Variants in ABCD2 observed in about 807,000 individuals in gnomAD.
ABCD2 encodes ATP-binding cassette sub-family D member 2.
Under a neutral mutation model 70.9 loss-of-function variants are expected in ABCD2, and 36 were observed. That is an observed-to-expected ratio of 0.51 (90% CI 0.39 to 0.67). The LOEUF is 0.67. Ranked by LOEUF, ABCD2 falls within the 30% of genes least tolerant of loss-of-function variation. The pLI, the probability that ABCD2 is intolerant of heterozygous loss-of-function variation, is 0.00. For missense variants in ABCD2, 729 were observed against 890.2 expected (o/e 0.82, Z 2.30); for synonymous variants, 304 against 306.9 (o/e 0.99, Z 0.10).
At chr12:39,608,851 T>C (rs1349525945) in intron 2 of ABCD2, among the ~76,000 whole-genome samples, 2 of 152,186 alleles carry the variant, frequency 1.3e-5, no homozygotes, top group Non-Finnish European at 2.9e-5. Flanking sequence ...ATTCTCATAA[T>C]CTAGCCTCTG....
chr12:39,582,955 G>T (rs957142751), intron 7 of ABCD2, among the ~76,000 whole-genome samples: 1 of 151,790 alleles, frequency 6.6e-6, no homozygotes, highest in Admixed American at 6.6e-5. Flanking sequence ...GACTTTGCGG[G>T]CTCAGGTGAT....
chr12:39,602,816 A>G (rs1236940238), intron 5 of ABCD2, among the ~76,000 whole-genome samples: 1 of 152,166 alleles, frequency 6.6e-6, no homozygotes, highest in East Asian at 1.9e-4. Flanking sequence ...TTATTAAATA[A>G]ATAGAGCAAC....
At chr12:39,559,547 A>T (rs969358985) in intron 9 of ABCD2, among the ~76,000 whole-genome samples, 1 of 152,114 alleles carries the variant, frequency 6.6e-6, no homozygotes, top group African/African-American at 2.4e-5. Context: ...GTCTTCAATC[A>T]TACTCAATCC....
At chr12:39,586,359 C>T in intron 6 of ABCD2, 62 bp from the exon 7 acceptor site, 1 of 1,530,822 alleles carries the variant, frequency 6.5e-7, no homozygotes, top group Non-Finnish European at 8.8e-7. Context: ...CTCAGTGTGA[C>T]AACTTGGTAG....
At chr12:39,554,342 T>A (rs1941130595) in intron 9 of ABCD2, among the ~76,000 whole-genome samples, 1 of 152,138 alleles carries the variant, frequency 6.6e-6, no homozygotes, top group South Asian at 2.1e-4. Context: ...TATTATTATT[T>A]TTTTCATATT....
the ABCD2 span, among the ~76,000 whole-genome samples, chr12:39,535,175 TCCAA>T: frequency 5.7e-4 from 86 of 152,190 alleles, 1 homozygote; most frequent in African/African-American, 1.8e-3. Context: ...TCAAACAAGA[TCCAA>T]TCCACTCTCC....
intron 7 of ABCD2, among the ~76,000 whole-genome samples, chr12:39,582,095 T>G (rs954375873): frequency 7.2e-5 from 11 of 152,256 alleles, no homozygotes; most frequent in Non-Finnish European, 1.5e-4. Flanking sequence ...CAAATTTAAG[T>G]GTTTTCCTGC....
the ABCD2 span, among the ~76,000 whole-genome samples, chr12:39,531,842 C>T: frequency 6.6e-6 from 1 of 152,240 alleles, no homozygotes; most frequent in Non-Finnish European, 1.5e-5. Context: ...CCCAAACAAC[C>T]CATATATTCG....
chr12:39,540,867 C>T, the ABCD2 span, among the ~76,000 whole-genome samples: 1 of 152,256 alleles, frequency 6.6e-6, no homozygotes, highest in African/African-American at 2.4e-5. Flanking sequence ...ATTGATGGCT[C>T]ATGCTTCCCT....
the ABCD2 span, among the ~76,000 whole-genome samples, chr12:39,534,802 G>GA: frequency 3.8e-4 from 41 of 108,904 alleles, no homozygotes; most frequent in Middle Eastern, 5.3e-3. Context: ...AAGAAAGAAA[G>GA]AAAGAAAAGA....
At chr12:39,540,574 A>G in the ABCD2 span, among the ~76,000 whole-genome samples, 1 of 152,218 alleles carries the variant, frequency 6.6e-6, no homozygotes, top group Non-Finnish European at 1.5e-5. Context: ...CCAATTCTGA[A>G]GAGATTAACT....
chr12:39,550,535 C>T lies in ABCD2; in HGVS notation c.*3377G>A, dbSNP rs565112276. On this transcript the variant is annotated 3_prime_UTR_variant, in exon 10 of 10. Transcript: ENST00000308666. ...ATATGAAATGTAAACCAGCCCTGAA[C>T]TTGGTAGTCAGGAAAAGCATCAACA... The T allele has an allele frequency of 7.9e-5, 12 of 151,846 alleles. No individual in the cohort carries two copies. Among genetic ancestry groups the T allele is most frequent in the African/African-American group, 2.2e-4 (9 of 41,542 alleles). 9.4% of individuals were successfully genotyped at this position (151,846 alleles called of 1,614,324 possible).
intron 5 of ABCD2, among the ~76,000 whole-genome samples, chr12:39,601,486 G>C (rs1941896773): frequency 6.6e-6 from 1 of 151,758 alleles, no homozygotes; most frequent in Admixed American, 6.6e-5. Context: ...CATTTAAACT[G>C]TTTAATTTCA....
At chr12:39,618,541 A>T in intron 1 of ABCD2, 136 bp downstream of exon 1, 1 of 738,210 alleles carries the variant, frequency 1.4e-6, no homozygotes, top group South Asian at 1.9e-5. Flanking sequence ...ATATATTTTA[A>T]TTCAGGTTTA....
the ABCD2 span, among the ~76,000 whole-genome samples, chr12:39,531,599 G>T: frequency 6.6e-6 from 1 of 152,216 alleles, no homozygotes; most frequent in Non-Finnish European, 1.5e-5. Context: ...GGACTTCACG[G>T]ATCAGTAAAA....
chr12:39,611,542 A>G (rs1386462683), intron 2 of ABCD2, among the ~76,000 whole-genome samples: 1 of 152,162 alleles, frequency 6.6e-6, no homozygotes, highest in Non-Finnish European at 1.5e-5. Context: ...TCCACCATAT[A>G]TAAACATCCA....
At chr12:39,601,388 A>T (rs1472757280) in intron 5 of ABCD2, among the ~76,000 whole-genome samples, 1 of 150,674 alleles carries the variant, frequency 6.6e-6, no homozygotes, top group Non-Finnish European at 1.5e-5. Flanking sequence ...ATATGTGAAT[A>T]ATATATATAT....
At chr12:39,595,619 T>C (rs1252989876) in intron 6 of ABCD2, among the ~76,000 whole-genome samples, 7 of 152,214 alleles carry the variant, frequency 4.6e-5, no homozygotes, top group Admixed American at 1.3e-4. Flanking sequence ...AGTATTTATA[T>C]TTAATCTAGG....
Position 39,619,370 on chromosome 12 carries a change from T to C in ABCD2, c.246A>G (p.Ala82=), listed in dbSNP as rs1294154674. ...GTTCTAGTAGCTGTTTGAAGAAATC[T>C]GCATTCACTCCAGGCGAAGGTTTTT... ...ICEKPSPGVN[A]DFFKQLLELR... The change falls in exon 1 of 10, where the codon GCA becomes GCG. Residue 82 remains alanine (A), a synonymous_variant. Transcript: ENST00000308666. 6 of 1,614,114 alleles carry C rather than the reference T, an allele frequency of 3.7e-6. No homozygotes were observed. The highest frequency in any genetic ancestry group is 5.1e-6 in the Non-Finnish European group (6 of 1,180,038).
Sources: allele counts gnomAD v4.1 joint callset (sites outside exome capture counted in the v4.1 genomes callset), GRCh38; gene constraint gnomAD v4.1.1; transcripts MANE v1.5; gene names NCBI Gene and HGNC (gene_info 2026-07-23, HGNC 2026-07-21).